HMGN3: variants seen among roughly 807,000 people sequenced by gnomAD.
The protein encoded by HMGN3 is high mobility group nucleosome-binding domain-containing protein 3.
HMGN3 carries 6 observed loss-of-function variants against 18.8 expected under a neutral mutation model. The observed-to-expected ratio is 0.32, with a 90% confidence interval of 0.18 to 0.63. HMGN3 has a LOEUF of 0.63. HMGN3 is among the 30% of genes least tolerant of loss of function. The pLI is 0.79. For synonymous variants in HMGN3, 40 were observed against 36.5 expected (o/e 1.10, Z -0.35); for missense variants, 107 against 114.2 (o/e 0.94, Z 0.29).
intron 1 of HMGN3, 76 bp from the exon 2 acceptor site, chr6:79,215,098 C>T: frequency 1.1e-6 from 1 of 884,634 alleles, no homozygotes. Context: ...AAAAAGTTAT[C>T]TCATTCCCAG....
At chr6:79,213,832 CCAAT>C (rs1279473826) in intron 2 of HMGN3, among the ~76,000 whole-genome samples, 1 of 152,142 alleles carries the variant, frequency 6.6e-6, no homozygotes, top group African/African-American at 2.4e-5. Context: ...TATGAATCAC[CCAAT>C]CAAAGAACCT....
At chr6:79,217,150 A>G (rs1030971294) in intron 1 of HMGN3, among the ~76,000 whole-genome samples, 2 of 152,240 alleles carry the variant, frequency 1.3e-5, no homozygotes, top group African/African-American at 4.8e-5. Context: ...GAATGCCTTC[A>G]GACAAATGAA....
chr6:79,210,594 G>A (rs55694370), intron 2 of HMGN3, among the ~76,000 whole-genome samples: 1,913 of 152,156 alleles, frequency 0.013, 44 homozygotes, highest in African/African-American at 0.044. Flanking sequence ...GAACAGAAGG[G>A]GTAAGCACCA....
At chr6:79,222,558 C>T (rs1467306005) in intron 1 of HMGN3, among the ~76,000 whole-genome samples, 2 of 152,194 alleles carry the variant, frequency 1.3e-5, no homozygotes, top group Admixed American at 6.5e-5. Context: ...TAAACAGACA[C>T]TGGAAGTTTT....
intron 1 of HMGN3, among the ~76,000 whole-genome samples, chr6:79,220,035 T>TA (rs1777192131): frequency 6.6e-6 from 1 of 152,216 alleles, no homozygotes; most frequent in South Asian, 2.1e-4. Flanking sequence ...CTCATGCAGC[T>TA]AATGGCTACC....
At chr6:79,212,310 T>C (rs900520852) in intron 2 of HMGN3, among the ~76,000 whole-genome samples, 4 of 152,234 alleles carry the variant, frequency 2.6e-5, no homozygotes, top group Non-Finnish European at 2.9e-5. Context: ...CTAGTTAAAA[T>C]AGGGATAACA....
intron 2 of HMGN3, among the ~76,000 whole-genome samples, chr6:79,213,908 C>G (rs1489358238): frequency 6.6e-6 from 1 of 152,158 alleles, no homozygotes; most frequent in African/African-American, 2.4e-5. Flanking sequence ...TCAAGGGTAA[C>G]AGCTGCAGTT....
At chr6:79,233,801 C>G (rs1289225604) in intron 1 of HMGN3, 1 of 152,418 alleles carries the variant, frequency 6.6e-6, no homozygotes, top group East Asian at 1.9e-4. Context: ...CTTCCCCAAC[C>G]GAGTGTGGGT....
chr6:79,208,097 T>G (rs1713282660), intron 3 of HMGN3, among the ~76,000 whole-genome samples: 1 of 152,148 alleles, frequency 6.6e-6, no homozygotes, highest in African/African-American at 2.4e-5. Context: ...AAAGTAGAAT[T>G]ATTACTATTA....
intron 1 of HMGN3, among the ~76,000 whole-genome samples, chr6:79,218,928 G>A (rs1226312547): frequency 1.3e-5 from 2 of 152,142 alleles, no homozygotes; most frequent in Non-Finnish European, 2.9e-5. Context: ...GACTGCTGAG[G>A]AATTAAGAAT....
intron 2 of HMGN3, among the ~76,000 whole-genome samples, chr6:79,210,724 C>T (rs1776644493): frequency 6.6e-6 from 1 of 152,050 alleles, no homozygotes; most frequent in African/African-American, 2.4e-5. Flanking sequence ...CTCAAAACTG[C>T]CTCCCTATCT....
chr6:79,224,670 C>T (rs764533782), intron 1 of HMGN3, among the ~76,000 whole-genome samples: 1 of 152,102 alleles, frequency 6.6e-6, no homozygotes, highest in Non-Finnish European at 1.5e-5. Context: ...CTGAGATAAA[C>T]AGGGGCACAG....
intron 2 of HMGN3, among the ~76,000 whole-genome samples, chr6:79,212,120 C>T (rs997620193): frequency 6.6e-6 from 1 of 151,098 alleles, no homozygotes; most frequent in Non-Finnish European, 1.5e-5. Context: ...TACCTCAGAG[C>T]CTTGGCTGGG....
At chr6:79,215,225 G>A (rs1056821173) in intron 1 of HMGN3, among the ~76,000 whole-genome samples, 2 of 152,200 alleles carry the variant, frequency 1.3e-5, no homozygotes, top group African/African-American at 4.8e-5. Flanking sequence ...ATAACTGCTC[G>A]ACTTTTAAAG....
chr6:79,202,217 A>C, intron 5 of HMGN3, 59 bp downstream of exon 5: 1 of 1,612,740 alleles, frequency 6.2e-7, no homozygotes, highest in Non-Finnish European at 8.5e-7. Flanking sequence ...CGGCTGAAGG[A>C]TTGAGAAATT....
At chr6:79,201,671 C>T (rs1184827972) in exon 6 of HMGN3, 1 of 1,523,188 alleles carries the variant, frequency 6.6e-7, no homozygotes, top group African/African-American at 1.4e-5. Flanking sequence ...AAATCAACCC[C>T]AATTTTTCAT....
exon 6 of HMGN3, chr6:79,201,367 GA>G (rs752587290): frequency 2.3e-5 from 6 of 265,708 alleles, no homozygotes; most frequent in African/African-American, 4.4e-5. Flanking sequence ...TATTGCTCTA[GA>G]AAAACTGCAT....
intron 2 of HMGN3, among the ~76,000 whole-genome samples, 162 bp downstream of exon 2, chr6:79,214,810 A>C (rs1334239246): frequency 2.6e-5 from 4 of 152,232 alleles, no homozygotes; most frequent in African/African-American, 9.6e-5. Context: ...GAGACTACAT[A>C]TAGACACTTA....
intron 1 of HMGN3, 49 bp from the exon 2 acceptor site, chr6:79,215,071 A>C (rs769668887): frequency 9.2e-7 from 1 of 1,086,184 alleles, no homozygotes. Flanking sequence ...GAAAACACAC[A>C]TTAGAAAAAT....
Sources: gnomAD v4.1 joint callset for allele counts (sites outside exome capture counted in the v4.1 genomes callset) on GRCh38, gnomAD v4.1.1 for gene constraint, MANE v1.5 for transcripts, NCBI Gene and HGNC (gene_info 2026-07-23, HGNC 2026-07-21) for gene names.